The following IFI27L1 variants were observed in gnomAD, a reference collection of about 807,000 sequenced individuals.
IFI27L1 encodes interferon alpha-inducible protein 27-like protein 1.
IFI27L1 carries 3 observed loss-of-function variants against 9.2 expected under a neutral mutation model. The ratio of observed to expected loss-of-function variants is 0.32; its 90% CI spans 0.15 to 0.84. The LOEUF (loss-of-function observed/expected upper bound fraction) is 0.84, where lower values mean the gene tolerates loss of function less well. Ranked by LOEUF, IFI27L1 falls within the 40% of genes least tolerant of loss-of-function variation. The probability of loss-of-function intolerance (pLI) is 0.56; values close to 1 mark genes in which losing one functional copy is unlikely to be tolerated. For missense variants in IFI27L1, 133 were observed against 134.2 expected, an observed-to-expected ratio of 0.99 and a Z score of 0.05; for synonymous variants, 53 against 50.0, an observed-to-expected ratio of 1.06 and a Z score of -0.26.
intron 2 of IFI27L1, among the ~76,000 whole-genome samples, chr14:94,099,968 TAA>T (rs1324549699): frequency 6.6e-6 from 1 of 152,234 alleles, no homozygotes; most frequent in East Asian, 1.9e-4. Flanking sequence ...CACTGAGTTC[TAA>T]GTTTTATTTC....
At chr14:94,086,152 A>C (rs775910997) in intron 1 of IFI27L1, among the ~76,000 whole-genome samples, 1 of 150,916 alleles carries the variant, frequency 6.6e-6, no homozygotes, top group Non-Finnish European at 1.5e-5. Context: ...CTCTGAGTTC[A>C]TGTGAGATCT....
At chr14:94,084,952 A>G (rs1166651331) in intron 1 of IFI27L1, among the ~76,000 whole-genome samples, 1 of 152,132 alleles carries the variant, frequency 6.6e-6, no homozygotes, top group African/African-American at 2.4e-5. Flanking sequence ...TCCTGTTCCA[A>G]TGCCAGTATA....
At chr14:94,094,395 A>G (rs1886594416) in intron 1 of IFI27L1, among the ~76,000 whole-genome samples, 1 of 152,114 alleles carries the variant, frequency 6.6e-6, no homozygotes, top group African/African-American at 2.4e-5. Flanking sequence ...TTTTTGAGTC[A>G]GTGTTGCTGC....
rs1295358980 is a variant in IFI27L1 at position 94,102,616 on chromosome 14, C to T, written c.*48C>T. ...TGGCTCTCTTGGTGGAGATGACTTTCCTGGGCCTCTGGATGACAATCTTCC... is the reference window on the plus strand; with the variant it reads ...TGGCTCTCTTGGTGGAGATGACTTTTCTGGGCCTCTGGATGACAATCTTCC... On this transcript the variant is annotated 3_prime_UTR_variant, in exon 5 of 5. Coordinates refer to ENST00000555523, the MANE Select transcript of IFI27L1 (RefSeq NM_206949.3). 9.2e-7 allele frequency: 1 copy of T among 1,092,136 alleles called. No individual in the cohort carries two copies. The highest frequency in any genetic ancestry group is 1.7e-5 in the South Asian group (1 of 59,882). The allele number at this position is 1,092,136 out of a possible 1,614,324, so 67.7% of individuals were successfully genotyped here. A position where few individuals can be genotyped will look rare whatever the true frequency, so the allele number is the denominator to read the frequency against.
intron 1 of IFI27L1, among the ~76,000 whole-genome samples, chr14:94,090,292 A>G (rs549349292): frequency 1.2e-4 from 19 of 152,278 alleles, no homozygotes; most frequent in African/African-American, 4.1e-4. Flanking sequence ...CTCAAAAACA[A>G]CTGATGAGAC....
chr14:94,084,538 A>G (rs1193159483), intron 1 of IFI27L1, among the ~76,000 whole-genome samples: 1 of 152,218 alleles, frequency 6.6e-6, no homozygotes, highest in Non-Finnish European at 1.5e-5. Flanking sequence ...GCACAAACCC[A>G]GTCAGATTAA....
At chr14:94,082,452 T>G (rs927039581) in intron 1 of IFI27L1, among the ~76,000 whole-genome samples, 1 of 151,680 alleles carries the variant, frequency 6.6e-6, no homozygotes, top group Admixed American at 6.6e-5. Flanking sequence ...GAACAGCAAG[T>G]AGTCAATGTA....
intron 1 of IFI27L1, among the ~76,000 whole-genome samples, chr14:94,086,877 G>A (rs1185419559): frequency 6.6e-6 from 1 of 152,132 alleles, no homozygotes; most frequent in Non-Finnish European, 1.5e-5. Context: ...TTATATAGGA[G>A]TATAAAATTT....
At chr14:94,096,700 A>AG in intron 1 of IFI27L1, 187 bp from the exon 2 acceptor site, 3 of 415,370 alleles carry the variant, frequency 7.2e-6, no homozygotes, top group Non-Finnish European at 1.3e-5. Context: ...TCTCAGAAAA[A>AG]AAAAAAAAAA....
intron 1 of IFI27L1, among the ~76,000 whole-genome samples, chr14:94,095,687 G>A (rs1205240087): frequency 6.6e-6 from 1 of 152,122 alleles, no homozygotes; most frequent in Non-Finnish European, 1.5e-5. Context: ...TAAACAACCA[G>A]CTCTTGCATG....
At chr14:94,090,435 T>C (rs1886433938) in intron 1 of IFI27L1, among the ~76,000 whole-genome samples, 1 of 152,228 alleles carries the variant, frequency 6.6e-6, no homozygotes, top group Non-Finnish European at 1.5e-5. Flanking sequence ...TTGTATAAAG[T>C]GCAGCAAGAA....
intron 1 of IFI27L1, among the ~76,000 whole-genome samples, chr14:94,083,472 C>G (rs1886178818): frequency 6.6e-6 from 1 of 152,216 alleles, no homozygotes; most frequent in African/African-American, 2.4e-5. Context: ...CAATTAGCAT[C>G]ACATGCTACT....
In IFI27L1 at chr14:94,091,271, C is replaced by T. The variant is rs150952527; in HGVS notation, c.-51-5616C>T. On this transcript the variant is annotated intron_variant, in intron 1 of 4. Coordinates refer to ENST00000555523, the MANE Select transcript of IFI27L1 (RefSeq NM_206949.3). ...GGATGACAAAAAGTTTTAGGACAGC[C>T]GCTATTATAGCCACAATTGGCTAGA... Among the ~76,000 whole-genome samples the T allele has an allele frequency of 1.6e-3, 237 of 152,242 alleles. 4 individuals carry two copies. In the South Asian group the frequency reaches 0.032, roughly 20 times the overall value.
At position 94,101,842 on chromosome 14, in the gene IFI27L1, G is replaced by T. The variant is rs369883184; in HGVS notation, c.90G>T (p.Ala30=). Residue 30 remains alanine, a synonymous_variant, in exon 4 of 5, where the codon GCG becomes GCT. Transcript: ENST00000555523. The part of the protein sequence containing the change: ...GVVAVGTVLV[A]LSAMGFTSVG... ...TGGCTGTGGGGACTGTGCTCGTGGC[G>T]CTCAGTGCCATGGGCTTCACCTCAG... The T allele has an allele frequency of 6.2e-7, 1 of 1,614,116 alleles. No individual in the cohort carries two copies. The highest frequency in any genetic ancestry group is 8.5e-7 in the Non-Finnish European group (1 of 1,180,052).
chr14:94,089,805 T>C (rs79326859), intron 1 of IFI27L1, among the ~76,000 whole-genome samples: 34,983 of 151,916 alleles, frequency 0.23, 4,727 homozygotes, highest in South Asian at 0.46. Flanking sequence ...TCTTCTGTAA[T>C]TTCTTCAGAC....
In IFI27L1 at chr14:94,101,889, T is replaced by C; in HGVS notation, c.137T>C (p.Ile46Thr). The C allele has an allele frequency of 6.2e-7, 1 of 1,614,200 alleles. No homozygotes were observed. Among genetic ancestry groups the C allele is most frequent in the South Asian group, 1.1e-5 (1 of 91,084 alleles). The change falls in exon 4 of 5, where the codon ATA becomes ACA. Residue 46 changes from isoleucine to threonine, a missense_variant. Transcript: ENST00000555523. ...TCAGTAGGAATCGCCGCATCCTCCA[T>C]AGCAGCCAAGATGATGTCTACAGCA... ...FTSVGIAASS[I>T]AAKMMSTAAI...
At chr14:94,095,630 T>C (rs1406893811) in intron 1 of IFI27L1, among the ~76,000 whole-genome samples, 1 of 152,146 alleles carries the variant, frequency 6.6e-6, no homozygotes, top group East Asian at 1.9e-4. Flanking sequence ...GTGTGTCATA[T>C]GGCAAGAGAG....
chr14:94,101,771 A>G (rs1886905100), intron 3 of IFI27L1, 43 bp from the exon 4 acceptor site: 1 of 1,608,226 alleles, frequency 6.2e-7, no homozygotes, highest in South Asian at 1.1e-5. Context: ...AGTCTGGGGG[A>G]CTCCGTCCCA....
chr14:94,096,083 G>A (rs1235633849), intron 1 of IFI27L1, among the ~76,000 whole-genome samples: 2 of 152,192 alleles, frequency 1.3e-5, no homozygotes, highest in Non-Finnish European at 2.9e-5. Context: ...AGCATGCAAA[G>A]GATCAGAGGC....
Sources: allele counts gnomAD v4.1 joint callset (sites outside exome capture counted in the v4.1 genomes callset), GRCh38; gene constraint gnomAD v4.1.1; transcripts MANE v1.5; gene names NCBI Gene and HGNC (gene_info 2026-07-23, HGNC 2026-07-21).